Variants in ZNF280B observed in about 807,000 individuals in gnomAD.
ZNF280B encodes the protein zinc finger protein 280B.
A neutral mutation model predicts 38.0 loss-of-function variants in ZNF280B; 16 were observed. The observed-to-expected ratio is 0.42, with a 90% CI of 0.28 to 0.64. The LOEUF (loss-of-function observed/expected upper bound fraction) is 0.64. ZNF280B is among the 30% of genes least tolerant of loss of function. ZNF280B has a pLI of 0.21. For missense variants in ZNF280B, 581 were observed against 639.6 expected, an observed-to-expected ratio of 0.91 and a Z score of 0.99; for synonymous variants, 253 against 230.6, an observed-to-expected ratio of 1.10 and a Z score of -0.88.
chr22:22,498,820 C>T (rs1481361651), intron 2 of ZNF280B, among the ~76,000 whole-genome samples: 4 of 55,284 alleles, frequency 7.2e-5, no homozygotes, highest in African/African-American at 1.7e-4. Context: ...TTTTTGGAGA[C>T]GGGGTCTCGC....
intron 3 of ZNF280B, 145 bp downstream of exon 3, chr22:22,493,918 C>T (rs374674370): frequency 5.9e-5 from 9 of 151,904 alleles, no homozygotes; most frequent in African/African-American, 2.2e-4. Flanking sequence ...CCCCCCACCC[C>T]CAAATTTGTA....
At chr22:22,500,731 C>A (rs1262452045) in intron 2 of ZNF280B, among the ~76,000 whole-genome samples, 1 of 151,758 alleles carries the variant, frequency 6.6e-6, no homozygotes, top group East Asian at 2.0e-4. Context: ...TGGTGGCAGG[C>A]ACCTATAAAC....
chr22:22,492,712 C>T (rs1272509834), intron 3 of ZNF280B, among the ~76,000 whole-genome samples: 2 of 151,692 alleles, frequency 1.3e-5, no homozygotes, highest in Non-Finnish European at 2.9e-5. Context: ...TAGTGAAACC[C>T]TGTCTCTACT....
Position 22,487,673 on chromosome 22 carries a change from G to T in ZNF280B, c.*94C>A. The T allele has an allele frequency of 2.0e-6, 2 of 995,570 alleles. No individual in the cohort carries two copies. The highest frequency in any genetic ancestry group is 2.9e-6 in the Non-Finnish European group (2 of 681,854). 61.7% of individuals were successfully genotyped at this position (995,570 alleles called of 1,614,324 possible). A position where few individuals can be genotyped will look rare whatever the true frequency, so the allele number is the denominator to read the frequency against. On this transcript the variant is annotated 3_prime_UTR_variant, in exon 4 of 4. Coordinates refer to ENST00000626650, the MANE Select transcript of ZNF280B (RefSeq NM_080764.4). ...ATAATCCACTAGTTTCACTATTTTT[G>T]GTGCTACTGAATAATGTATGGTTTG...
chr22:22,496,747 G>C (rs998791697), intron 2 of ZNF280B, among the ~76,000 whole-genome samples: 1 of 151,580 alleles, frequency 6.6e-6, no homozygotes, highest in Non-Finnish European at 1.5e-5. Flanking sequence ...TCTAATCACA[G>C]AAGTTACTCA....
At chr22:22,504,469 T>C (rs1292346782) in intron 2 of ZNF280B, among the ~76,000 whole-genome samples, 18 of 150,110 alleles carry the variant, frequency 1.2e-4, no homozygotes, top group African/African-American at 4.4e-4. Context: ...CCACATTAAC[T>C]AGGTGTTAAA....
At chr22:22,508,598 A>G (rs1221977487) in intron 1 of ZNF280B, 61 bp downstream of exon 1, 12 of 152,090 alleles carry the variant, frequency 7.9e-5, no homozygotes, top group Admixed American at 7.9e-4. Flanking sequence ...GCGGCTCGCC[A>G]TGAAATCCCT....
At position 22,488,000 on chromosome 22, in the gene ZNF280B, G is replaced by A. The variant is rs140379205; in HGVS notation, c.1399C>T (p.Leu467=). The part of the protein sequence containing the change: ...KSAHQCSKCR[L]QFLTFKEKME... ...TTCTCCTTGAAAGTTAAAAACTGTA[G>A]CCGGCACTTGGAACACTGGTGTGCA... The change falls in exon 4 of 4, where the codon CTA becomes TTA. Residue 467 remains leucine, a synonymous_variant. Transcript: ENST00000626650. 18 of 1,613,456 alleles carry A rather than the reference G, an allele frequency of 1.1e-5. No homozygotes were observed. The African/African-American group carries it at 2.0e-4, about 18-fold the overall frequency.
At position 22,485,476 on chromosome 22, in the gene ZNF280B, A is replaced by G. The variant is rs930902166; in HGVS notation, c.*2291T>C. On this transcript the variant is annotated 3_prime_UTR_variant, in exon 4 of 4. Transcript: ENST00000626650. ...TCTTAACCCAAGCAACGTAACTGAA[A>G]AGACCTAGTATAGTGTTCAAGGTGC... The G allele has an allele frequency of 2.0e-5, 3 of 151,958 alleles. No individual in the cohort carries two copies. The highest frequency in any genetic ancestry group is 7.3e-5 in the African/African-American group (3 of 41,362). 9.4% of individuals were successfully genotyped at this position (151,958 alleles called of 1,614,324 possible).
rs754310879 is a variant in ZNF280B, at chr22:22,487,726, T to G, written c.*41A>C. 6.6e-7 allele frequency: 1 copy of G among 1,511,480 alleles called. No individual in the cohort carries two copies. Among genetic ancestry groups the G allele is most frequent in the African/African-American group, 1.4e-5 (1 of 71,508 alleles). The allele number at this position is 1,511,480 out of a possible 1,614,324, so 93.6% of individuals were successfully genotyped here. On this transcript the variant is annotated 3_prime_UTR_variant, in exon 4 of 4. Transcript: ENST00000626650. ...TTTTTTGTTTTATGAGGTTTTTTAATTTGGTTTGAAATACTTGCTTTAGAT... is the reference window on the plus strand; with the variant it reads ...TTTTTTGTTTTATGAGGTTTTTTAAGTTGGTTTGAAATACTTGCTTTAGAT...
At position 22,495,553 on chromosome 22, in the gene ZNF280B, G is replaced by A. The variant is rs112517426; in HGVS notation, c.-186-1373C>T. On this transcript the variant is annotated intron_variant, in intron 2 of 3. Coordinates refer to ENST00000626650, the MANE Select transcript of ZNF280B (RefSeq NM_080764.4). The stretch of plus-strand genomic sequence containing the variant: ...TAATAGAGCAGGCTTAGAAGTTGAG[G>A]AGGTATAAGAGAATTGTAATTTTAC... Among the ~76,000 whole-genome samples, 3 of 152,066 alleles carry A rather than the reference G, an allele frequency of 2.0e-5. 1 individual carries two copies. Among genetic ancestry groups the A allele is most frequent in the Admixed American group, 6.5e-5 (1 of 15,276 alleles).
In ZNF280B at chr22:22,493,734, TTCTG is replaced by T. The variant is rs1204807577; in HGVS notation, c.-69+325_-69+328del. Among the ~76,000 whole-genome samples, 5 of 151,936 alleles carry T rather than the reference TTCTG, an allele frequency of 3.3e-5. No homozygotes were observed. In the East Asian group the frequency reaches 5.9e-4, roughly 18 times the overall value. On this transcript the variant is annotated intron_variant, in intron 3 of 3. Transcript: ENST00000626650. The stretch of plus-strand genomic sequence containing the variant: ...TACACTTGTACTAGACCCTAAATTG[TTCTG>T]TCTCTTTTCTCTGTCCTTCAAATTA...
chr22:22,499,599 C>CTGGTA (rs2061775618), intron 2 of ZNF280B, among the ~76,000 whole-genome samples: 1 of 151,928 alleles, frequency 6.6e-6, no homozygotes, highest in African/African-American at 2.4e-5. Context: ...AAAACTACAC[C>CTGGTA]TGCCTGCAGA....
At position 22,489,224 on chromosome 22, in the gene ZNF280B, T is replaced by G. The variant is rs770262454; in HGVS notation, c.175A>C (p.Asn59His). ...CCCGGGGTGACTCTGTTCAAAATGT[T>G]TGAAACGACTGGTTTTGAATTTGAA... ...VTSNSKPVVS[N>H]ILNRVTPGSW... Residue 59 changes from asparagine (N) to histidine (H), a missense_variant, in exon 4 of 4, where the codon AAC becomes CAC. Physicochemically the swap from Asn to His is moderately conservative, Grantham distance 68. Coordinates refer to ENST00000626650, the MANE Select transcript of ZNF280B (RefSeq NM_080764.4). 1.9e-6 allele frequency: 3 copies of G among 1,613,860 alleles called. No homozygotes were observed. The highest frequency in any genetic ancestry group is 2.5e-6 in the Non-Finnish European group (3 of 1,179,968).
chr22:22,494,204 C>T (rs1416212422), intron 2 of ZNF280B, 24 bp from the exon 3 acceptor site: 3 of 151,866 alleles, frequency 2.0e-5, no homozygotes, highest in African/African-American at 7.3e-5. Flanking sequence ...AAATGAATTC[C>T]TGTTGTTAAT....
chr22:22,500,774 G>T (rs958746847), intron 2 of ZNF280B, among the ~76,000 whole-genome samples: 2 of 151,744 alleles, frequency 1.3e-5, no homozygotes, highest in African/African-American at 4.8e-5. Context: ...CAGGAGAATT[G>T]CTTGAACCCA....
At chr22:22,499,271 A>T (rs539271919) in intron 2 of ZNF280B, among the ~76,000 whole-genome samples, 3 of 149,370 alleles carry the variant, frequency 2.0e-5, no homozygotes, top group Non-Finnish European at 4.5e-5. Context: ...TTTAATTTTA[A>T]TTTTTTTTTT....
Position 22,489,870 on chromosome 22 carries a change from C to T in ZNF280B, c.-68-404G>A, listed in dbSNP as rs567066685. On this transcript the variant is annotated intron_variant, in intron 3 of 3. Coordinates refer to ENST00000626650, the MANE Select transcript of ZNF280B (RefSeq NM_080764.4). ...GTTTTTTACTTTTAAATGTATTTTG[C>T]TATCTTAAAGGCAAAAATTCTTATT... Among the ~76,000 whole-genome samples the T allele has an allele frequency of 1.4e-3, 217 of 151,900 alleles. 1 individual carries two copies. Among genetic ancestry groups the T allele is most frequent in the African/African-American group, 5.0e-3 (206 of 41,432 alleles).
rs543181899 is a variant in ZNF280B at position 22,504,147 on chromosome 22, T to G, written c.-187+3663A>C. Among the ~76,000 whole-genome samples, 11 of 152,076 alleles carry G rather than the reference T, an allele frequency of 7.2e-5. No homozygotes were observed. In the South Asian group the frequency reaches 2.3e-3, roughly 32 times the overall value. On this transcript the variant is annotated intron_variant, in intron 2 of 3. Transcript: ENST00000626650. ...CAAAGAATAAGATTAAAATAACTTG[T>G]GCCAGGCCGGGCATGGTGGCTCACG... is the stretch of plus-strand genomic sequence containing the variant.
Sources: allele counts gnomAD v4.1 joint callset (sites outside exome capture counted in the v4.1 genomes callset), GRCh38; gene constraint gnomAD v4.1.1; transcripts MANE v1.5; gene names NCBI Gene and HGNC (gene_info 2026-07-23, HGNC 2026-07-21).